JAM3: variants seen among roughly 807,000 people sequenced by gnomAD.
JAM3 encodes the protein junctional adhesion molecule C.
A neutral mutation model predicts 39.4 loss-of-function variants in JAM3; 31 were observed. The ratio of observed to expected loss-of-function variants is 0.79; its 90% confidence interval spans 0.59 to 1.06. The LOEUF (loss-of-function observed/expected upper bound fraction) is 1.06. Among genes scored for constraint, JAM3 ranks in the 50% least tolerant of loss-of-function variants. The pLI is 0.00. For missense variants in JAM3, 455 were observed against 391.4 expected (o/e 1.16, Z -1.37); for synonymous variants, 182 against 148.7 (o/e 1.22, Z -1.63).
intron 1 of JAM3, among the ~76,000 whole-genome samples, chr11:134,130,723 G>C (rs978800980): frequency 6.6e-6 from 1 of 152,216 alleles, no homozygotes; most frequent in African/African-American, 2.4e-5. Context: ...ATTTGGTCTT[G>C]AAGAGGCAAC....
intron 6 of JAM3, among the ~76,000 whole-genome samples, chr11:134,146,825 C>A (rs928927589): frequency 2.0e-5 from 3 of 152,180 alleles, no homozygotes; most frequent in Admixed American, 2.0e-4. Context: ...TCGGCCTCCC[C>A]CAGGTGCTGG....
chr11:134,110,889 A>G (rs913587661), intron 1 of JAM3, among the ~76,000 whole-genome samples: 14 of 151,924 alleles, frequency 9.2e-5, no homozygotes, highest in African/African-American at 2.9e-4. Context: ...AAACCAAAAA[A>G]TTGGGCTCTG....
intron 1 of JAM3, among the ~76,000 whole-genome samples, chr11:134,100,561 A>T (rs369589962): frequency 1.3e-5 from 2 of 152,184 alleles, no homozygotes; most frequent in Non-Finnish European, 2.9e-5. Context: ...CCCAACTGCT[A>T]GTGAGCTCCT....
chr11:134,115,510 C>T (rs1325078357), intron 1 of JAM3, among the ~76,000 whole-genome samples: 3 of 151,930 alleles, frequency 2.0e-5, no homozygotes, highest in Admixed American at 2.0e-4. Flanking sequence ...TAACTTATGA[C>T]CTTGATATAT....
chr11:134,145,876 C>A, intron 5 of JAM3, 70 bp from the exon 6 acceptor site: 1 of 1,013,514 alleles, frequency 9.9e-7, no homozygotes, highest in Non-Finnish European at 1.6e-6. Flanking sequence ...GTTCTGGACC[C>A]AGCTGGCTGT....
chr11:134,105,764 T>C (rs1170373115), intron 1 of JAM3, among the ~76,000 whole-genome samples: 1 of 152,052 alleles, frequency 6.6e-6, no homozygotes, highest in African/African-American at 2.4e-5. Context: ...TCAAAGAGAA[T>C]AAAATACCTA....
chr11:134,078,893 G>A (rs1454724844), intron 1 of JAM3, among the ~76,000 whole-genome samples: 1 of 152,136 alleles, frequency 6.6e-6, no homozygotes, highest in African/African-American at 2.4e-5. Flanking sequence ...AAAAAAATTA[G>A]CCTGGTATGG....
chr11:134,141,693 C>T (rs564605057), intron 3 of JAM3, among the ~76,000 whole-genome samples: 2 of 152,102 alleles, frequency 1.3e-5, no homozygotes, highest in South Asian at 4.2e-4. Flanking sequence ...GGTGGGGGGC[C>T]CCAAGCTGGG....
At chr11:134,111,052 T>A (rs772027839) in intron 1 of JAM3, among the ~76,000 whole-genome samples, 6 of 151,000 alleles carry the variant, frequency 4.0e-5, no homozygotes, top group Non-Finnish European at 8.8e-5. Flanking sequence ...CTCATATGAA[T>A]CCTTGAATTA....
intron 1 of JAM3, 84 bp downstream of exon 1, chr11:134,069,243 C>A (rs150158475): frequency 1.3e-6 from 2 of 1,533,212 alleles, no homozygotes; most frequent in Non-Finnish European, 1.8e-6. Context: ...GGAGCCGGTC[C>A]GGGCGAGGAT....
intron 1 of JAM3, among the ~76,000 whole-genome samples, chr11:134,126,009 C>T (rs545641751): frequency 3.3e-5 from 5 of 152,142 alleles, no homozygotes; most frequent in Admixed American, 1.3e-4. Flanking sequence ...TCTCACTTTC[C>T]TCTGTCCTTC....
chr11:134,135,876 C>G (rs1942856188), intron 1 of JAM3, among the ~76,000 whole-genome samples: 1 of 152,066 alleles, frequency 6.6e-6, no homozygotes, highest in Non-Finnish European at 1.5e-5. Flanking sequence ...CGAGACCAGT[C>G]TGGCCAACGT....
At chr11:134,117,169 C>G (rs1340545747) in intron 1 of JAM3, among the ~76,000 whole-genome samples, 2 of 152,014 alleles carry the variant, frequency 1.3e-5, no homozygotes, top group Non-Finnish European at 2.9e-5. Flanking sequence ...TGAGACCAGC[C>G]TGGCTGAGAT....
Position 134,076,833 on chromosome 11 carries a change from C to CTT in JAM3, c.76+7693_76+7694dup, listed in dbSNP as rs71038556. Among the ~76,000 whole-genome samples the CTT allele has an allele frequency of 8.7e-3, 1,032 of 118,474 alleles. 75 individuals carry two copies. The highest frequency in any genetic ancestry group is 0.031 in the African/African-American group (926 of 29,794). 77.7% of individuals were successfully genotyped at this position (118,474 alleles called of 152,430 possible). On this transcript the variant is annotated intron_variant, in intron 1 of 8. Coordinates refer to ENST00000299106, the MANE Select transcript of JAM3 (RefSeq NM_032801.5). Reference sequence around the variant, plus strand: ...TTTGCAATCTCACTAACATCTATTGCTTTTTTTTTTTTTTTTTTTTGAGAT... The same window carrying CTT: ...TTTGCAATCTCACTAACATCTATTGCTTTTTTTTTTTTTTTTTTTTTTGAGAT...
At position 134,124,338 on chromosome 11, in the gene JAM3, G is replaced by GA. The variant is rs1389045251; in HGVS notation, c.77-15508dup. The GA allele has an allele frequency of 5.3e-5, 40 of 748,540 alleles. No individual in the cohort carries two copies. In the East Asian group the frequency reaches 9.5e-4, roughly 18 times the overall value. The allele number at this position is 748,540 out of a possible 1,614,324, so 46.4% of individuals were successfully genotyped here. ...GGCTGGACGGTTCATTATGGCAAAT[G>GA]AAAAATGTGAGTGTGCGTGTGAGTG... On this transcript the variant is annotated intron_variant, in intron 1 of 8. Transcript: ENST00000299106.
At chr11:134,146,662 C>G (rs1210441994) in intron 6 of JAM3, among the ~76,000 whole-genome samples, 1 of 152,106 alleles carries the variant, frequency 6.6e-6, no homozygotes, top group East Asian at 1.9e-4. Context: ...TCAAACCCAG[C>G]CTTCAAGCCA....
chr11:134,078,511 G>C (rs985376824), intron 1 of JAM3, among the ~76,000 whole-genome samples: 1 of 152,154 alleles, frequency 6.6e-6, no homozygotes, highest in African/African-American at 2.4e-5. Flanking sequence ...ATATTGGTTT[G>C]TCCTTTTAAA....
At chr11:134,099,631 C>T (rs1188597562) in intron 1 of JAM3, among the ~76,000 whole-genome samples, 1 of 152,186 alleles carries the variant, frequency 6.6e-6, no homozygotes, top group Admixed American at 6.5e-5. Context: ...GGGACAGAAT[C>T]TCGCTCTGTC....
intron 1 of JAM3, among the ~76,000 whole-genome samples, chr11:134,110,936 G>A (rs932481786): frequency 4.6e-5 from 7 of 151,908 alleles, no homozygotes; most frequent in Admixed American, 2.6e-4. Flanking sequence ...TGGTGAAAAA[G>A]GATACACTAG....
Sources: gnomAD v4.1 joint callset for allele counts (sites outside exome capture counted in the v4.1 genomes callset) on GRCh38, gnomAD v4.1.1 for gene constraint, MANE v1.5 for transcripts, NCBI Gene and HGNC (gene_info 2026-07-23, HGNC 2026-07-21) for gene names.